The following CR1 variants were observed in gnomAD, a reference collection of about 807,000 sequenced individuals.
The protein encoded by CR1 is complement receptor type 1.
A neutral mutation model predicts 187.3 loss-of-function variants in CR1; 116 were observed. The observed-to-expected ratio is 0.62, with a 90% CI of 0.53 to 0.72. The LOEUF (loss-of-function observed/expected upper bound fraction) is 0.72, where lower values mean the gene tolerates loss of function less well. CR1 is among the 30% of genes least tolerant of loss of function. CR1 has a pLI of 0.00. For missense variants in CR1, 1,731 were observed against 2,110.7 expected, an observed-to-expected ratio of 0.82 and a Z score of 3.52; for synonymous variants, 576 against 747.1, an observed-to-expected ratio of 0.77 and a Z score of 3.73.
Position 207,580,434 on chromosome 1 carries a change from C to A in CR1, c.5113+18C>A. The A allele has an allele frequency of 6.2e-7, 1 of 1,611,174 alleles. No homozygotes were observed. The highest frequency in any genetic ancestry group is 8.5e-7 in the Non-Finnish European group (1 of 1,178,890). On this transcript the variant is annotated intron_variant, in intron 30 of 46. Coordinates refer to ENST00000367049, the MANE Select transcript of CR1 (RefSeq NM_000651.6). ...ATGTGCAGGTGCCTCAACTCTCTGG[C>A]TTCCAGATTTCTCTCTTTACCCCAC...
chr1:207,588,309 A>G (rs1177763752), intron 34 of CR1, among the ~76,000 whole-genome samples: 3 of 152,122 alleles, frequency 2.0e-5, no homozygotes, highest in African/African-American at 7.2e-5. Context: ...AACTGGGATT[A>G]CAGGCACCCA....
chr1:207,578,076 A>G lies in CR1; in HGVS notation c.4809A>G (p.Arg1603=), dbSNP rs1177473331. ...ATGGAATATTGGTATCTGACAACAG[A>G]AGCTTATTTTCCTTAAATGAAGTTG... ...VENGILVSDN[R]SLFSLNEVVE... Residue 1603 remains arginine, a synonymous_variant, in exon 29 of 47, where the codon AGA becomes AGG. Coordinates refer to ENST00000367049, the MANE Select transcript of CR1 (RefSeq NM_000651.6). 1 of 1,611,602 alleles carries G rather than the reference A, an allele frequency of 6.2e-7. No homozygotes were observed. Among genetic ancestry groups the G allele is most frequent in the East Asian group, 2.2e-5 (1 of 44,892 alleles).
chr1:207,589,025 C>A (rs113926236), intron 35 of CR1, among the ~76,000 whole-genome samples: 1 of 152,128 alleles, frequency 6.6e-6, no homozygotes, highest in Non-Finnish European at 1.5e-5. Flanking sequence ...ACATGTGAAA[C>A]CTGGTCAGGC....
intron 40 of CR1, among the ~76,000 whole-genome samples, chr1:207,615,770 A>G (rs1662073502): frequency 6.6e-6 from 1 of 152,252 alleles, no homozygotes; most frequent in Admixed American, 6.5e-5. Flanking sequence ...TCAACCTTAC[A>G]GAGACACATA....
At chr1:207,568,394 G>A (rs1003774082) in intron 25 of CR1, among the ~76,000 whole-genome samples, 1 of 93,822 alleles carries the variant, frequency 1.1e-5, no homozygotes, top group East Asian at 3.3e-4. Context: ...TTGAGTTCCC[G>A]CCCATGCTTG....
intron 36 of CR1, 151 bp from the exon 37 acceptor site, chr1:207,609,139 G>A (rs1558264338): frequency 2.4e-6 from 2 of 830,500 alleles, no homozygotes; most frequent in East Asian, 2.9e-5. Context: ...AGGTAAAAAT[G>A]TCTGATTATT....
At chr1:207,634,516 A>G (rs150810074) in intron 46 of CR1, among the ~76,000 whole-genome samples, 93 of 152,266 alleles carry the variant, frequency 6.1e-4, no homozygotes, top group African/African-American at 2.1e-3. Flanking sequence ...TGTGTTGGAC[A>G]TGAGAGTATT....
rs1449287187 is a variant in CR1 at position 207,639,658 on chromosome 1, A to G, written c.*249A>G. On this transcript the variant is annotated 3_prime_UTR_variant, in exon 47 of 47. Coordinates refer to ENST00000367049, the MANE Select transcript of CR1 (RefSeq NM_000651.6). The stretch of plus-strand genomic sequence containing the variant: ...AACGCACACAGTATCTAGTCAGGGG[A>G]AAAGACTGCATTTAGGAGATAGAAA... 3 of 421,880 alleles carry G rather than the reference A, an allele frequency of 7.1e-6. No homozygotes were observed. Among genetic ancestry groups the G allele is most frequent in the East Asian group, 7.2e-5 (2 of 27,742 alleles). The allele number at this position is 421,880 out of a possible 1,614,324, so 26.1% of individuals were successfully genotyped here.
intron 46 of CR1, among the ~76,000 whole-genome samples, chr1:207,635,331 A>G (rs1455735908): frequency 6.6e-6 from 1 of 152,162 alleles, no homozygotes; most frequent in Non-Finnish European, 1.5e-5. Context: ...TGGCAGGGTC[A>G]TAGGATAATA....
Position 207,524,024 on chromosome 1 carries a change from G to T in CR1, c.886+15G>T, listed in dbSNP as rs762379001. 63 of 1,611,622 alleles carry T rather than the reference G, an allele frequency of 3.9e-5. 1 individual carries two copies. Among genetic ancestry groups the T allele is most frequent in the East Asian group, 1.1e-4 (5 of 44,896 alleles). ...CTGCTCCAGGGGTGAGTCTGACTGA[G>T]GCCTAGAAGGGCCCTGCCAGTGACA... is the stretch of plus-strand genomic sequence containing the variant. On this transcript the variant is annotated intron_variant, in intron 5 of 46. Transcript: ENST00000367049.
At chr1:207,591,304 A>G (rs1661264614) in intron 35 of CR1, among the ~76,000 whole-genome samples, 1 of 152,228 alleles carries the variant, frequency 6.6e-6, no homozygotes. Flanking sequence ...AACTCTCTCA[A>G]AACTGCACAA....
chr1:207,628,002 C>T (rs1046641856), intron 45 of CR1, among the ~76,000 whole-genome samples: 1 of 152,112 alleles, frequency 6.6e-6, no homozygotes, highest in Non-Finnish European at 1.5e-5. Flanking sequence ...AAAGGTCTCA[C>T]CTTTGAGATC....
At chr1:207,618,329 G>A in intron 42 of CR1, 82 bp downstream of exon 42, 1 of 1,269,750 alleles carries the variant, frequency 7.9e-7, no homozygotes, top group Middle Eastern at 2.5e-4. Context: ...ACATTGAAAT[G>A]AGCTTAATGA....
At chr1:207,631,537 G>A (rs1662646673) in intron 46 of CR1, among the ~76,000 whole-genome samples, 1 of 152,106 alleles carries the variant, frequency 6.6e-6, no homozygotes, top group African/African-American at 2.4e-5. Context: ...TCACTGGCTA[G>A]TTCCCCTTTT....
intron 1 of CR1, among the ~76,000 whole-genome samples, chr1:207,497,274 A>G (rs1307302106): frequency 2.0e-5 from 3 of 152,310 alleles, no homozygotes; most frequent in East Asian, 3.9e-4. Flanking sequence ...TTGAGGCCAC[A>G]TCTCTTCCTT....
intron 39 of CR1, 22 bp from the exon 40 acceptor site, chr1:207,614,382 C>T: frequency 1.9e-6 from 3 of 1,594,962 alleles, no homozygotes; most frequent in Non-Finnish European, 2.6e-6. Context: ...CACACATTTG[C>T]TACCACTTTT....
intron 28 of CR1, among the ~76,000 whole-genome samples, chr1:207,577,529 A>C (rs1183669125): frequency 1.3e-5 from 2 of 152,138 alleles, no homozygotes; most frequent in Non-Finnish European, 2.9e-5. Flanking sequence ...CAGCACTTTG[A>C]AAGGCCGAGG....
intron 5 of CR1, among the ~76,000 whole-genome samples, chr1:207,526,131 CA>C (rs1409900921): frequency 6.6e-6 from 1 of 152,024 alleles, no homozygotes; most frequent in Admixed American, 6.5e-5. Flanking sequence ...TTTTGTTCGA[CA>C]GTTTCCCACC....
chr1:207,616,495 C>A (rs1045902326), intron 40 of CR1, 80 bp from the exon 41 acceptor site: 3 of 1,451,110 alleles, frequency 2.1e-6, no homozygotes, highest in Admixed American at 2.0e-5. Context: ...TCTTTTTAAG[C>A]GCACAGTCAC....
Sources: gnomAD v4.1 joint callset for allele counts (sites outside exome capture counted in the v4.1 genomes callset) on GRCh38, gnomAD v4.1.1 for gene constraint, MANE v1.5 for transcripts, NCBI Gene and HGNC (gene_info 2026-07-23, HGNC 2026-07-21) for gene names.